The following SHANK2 variants were observed in gnomAD, a reference collection of about 807,000 sequenced individuals.
The protein encoded by SHANK2 is SH3 and multiple ankyrin repeat domains 2.
Under a neutral mutation model 133.7 loss-of-function variants are expected in SHANK2, and 43 were observed. That is an observed-to-expected ratio of 0.32 (90% CI 0.25 to 0.41). The LOEUF is 0.41. Among genes scored for constraint, SHANK2 ranks in the 10% least tolerant of loss-of-function variants. The probability of loss-of-function intolerance (pLI) is 1.00; values close to 1 mark genes in which losing one functional copy is unlikely to be tolerated. For missense variants in SHANK2, 1,994 were observed against 2,235.8 expected, an observed-to-expected ratio of 0.89 and a Z score of 2.18; for synonymous variants, 1,017 against 952.8, an observed-to-expected ratio of 1.07 and a Z score of -1.24.
At chr11:70,909,549 C>T (rs1205663599) in intron 10 of SHANK2, among the ~76,000 whole-genome samples, 2 of 152,136 alleles carry the variant, frequency 1.3e-5, no homozygotes, top group African/African-American at 2.4e-5. Flanking sequence ...GTAGAGCTGT[C>T]GTGATCCTTG....
At chr11:71,237,011 C>T (rs1954833463) in intron 1 of SHANK2, among the ~76,000 whole-genome samples, 1 of 152,236 alleles carries the variant, frequency 6.6e-6, no homozygotes, top group African/African-American at 2.4e-5. Flanking sequence ...TGGCTCCAAT[C>T]AGTCATACCT....
chr11:70,519,505 G>A (rs573949041), intron 17 of SHANK2, among the ~76,000 whole-genome samples: 4 of 152,186 alleles, frequency 2.6e-5, no homozygotes, highest in Non-Finnish European at 5.9e-5. Context: ...AAATTAGCTC[G>A]ACGTGGTAGT....
intron 17 of SHANK2, among the ~76,000 whole-genome samples, chr11:70,533,075 C>A (rs1323941048): frequency 6.6e-6 from 1 of 152,064 alleles, no homozygotes; most frequent in Non-Finnish European, 1.5e-5. Context: ...GCAGACGTTG[C>A]CGGAGGCTGG....
intron 14 of SHANK2, among the ~76,000 whole-genome samples, chr11:70,711,902 C>T (rs993138089): frequency 2.6e-5 from 4 of 152,334 alleles, no homozygotes; most frequent in South Asian, 2.1e-4. Flanking sequence ...CCCAGGCACA[C>T]GTCACAGCAC....
intron 17 of SHANK2, among the ~76,000 whole-genome samples, chr11:70,620,970 C>A (rs2060821715): frequency 6.6e-6 from 1 of 152,214 alleles, no homozygotes; most frequent in Non-Finnish European, 1.5e-5. Context: ...CTGAATAAGA[C>A]ATGTGGGGTC....
At chr11:70,628,646 T>A (rs2060936924) in intron 17 of SHANK2, among the ~76,000 whole-genome samples, 1 of 152,178 alleles carries the variant, frequency 6.6e-6, no homozygotes, top group Admixed American at 6.5e-5. Context: ...ACACCCAGCA[T>A]CATGATGCTG....
At chr11:70,710,871 C>T (rs527992337) in intron 14 of SHANK2, among the ~76,000 whole-genome samples, 120 of 152,316 alleles carry the variant, frequency 7.9e-4, no homozygotes, top group African/African-American at 2.8e-3. Context: ...TGAGCAGACA[C>T]GCCTGTGGTC....
intron 14 of SHANK2, among the ~76,000 whole-genome samples, chr11:70,708,002 G>C (rs1945702163): frequency 6.6e-6 from 1 of 152,192 alleles, no homozygotes; most frequent in Non-Finnish European, 1.5e-5. Flanking sequence ...GTGCACCGAG[G>C]ACATCACAGC....
At chr11:70,908,447 T>G (rs1590820860) in intron 10 of SHANK2, among the ~76,000 whole-genome samples, 1 of 152,212 alleles carries the variant, frequency 6.6e-6, no homozygotes, top group African/African-American at 2.4e-5. Flanking sequence ...GGAAACAGAC[T>G]CCGCCTGTGC....
chr11:71,077,994 G>A (rs962317766), intron 8 of SHANK2, among the ~76,000 whole-genome samples: 5,962 of 152,068 alleles, frequency 0.039, 414 homozygotes, highest in African/African-American at 0.14. Context: ...TACTGAGAGG[G>A]TGCAGGACCA....
chr11:71,119,438 G>A (rs1231391922), intron 3 of SHANK2, among the ~76,000 whole-genome samples: 2 of 152,064 alleles, frequency 1.3e-5, no homozygotes, highest in Middle Eastern at 3.2e-3. Context: ...AAATTTGCTG[G>A]GCATGGTGGT....
At chr11:70,489,466 C>G in intron 23 of SHANK2, 118 bp from the exon 24 acceptor site, 2 of 936,462 alleles carry the variant, frequency 2.1e-6, no homozygotes, top group South Asian at 2.6e-5. Context: ...TCCACGGCCA[C>G]TTACTGCCTA....
intron 17 of SHANK2, among the ~76,000 whole-genome samples, chr11:70,507,839 T>C (rs1288530122): frequency 6.6e-6 from 1 of 152,202 alleles, no homozygotes; most frequent in East Asian, 1.9e-4. Context: ...CGTTTGTAAT[T>C]AGACCCTAAA....
intron 14 of SHANK2, among the ~76,000 whole-genome samples, chr11:70,770,535 T>C (rs1005287357): frequency 6.6e-6 from 1 of 152,232 alleles, no homozygotes; most frequent in Non-Finnish European, 1.5e-5. Context: ...CACCATGTGA[T>C]GGCTGGGAAG....
At chr11:70,889,889 C>T (rs186948633) in intron 11 of SHANK2, among the ~76,000 whole-genome samples, 123 of 152,240 alleles carry the variant, frequency 8.1e-4, no homozygotes, top group Admixed American at 6.8e-3. Flanking sequence ...AGGAGGCAGA[C>T]GCAGCTGGAA....
In SHANK2 at chr11:70,473,455, A is replaced by G; in HGVS notation, c.4980-16T>C. The stretch of plus-strand genomic sequence containing the variant: ...CTCCGGGCTTCTGAAACAGCAACAC[A>G]GAGAAAACCATCACAAGGCAGGTCA... On this transcript the variant is annotated splice_polypyrimidine_tract_variant and intron_variant, in intron 25 of 25. Coordinates refer to ENST00000601538, the MANE Select transcript of SHANK2 (RefSeq NM_012309.5). This position sits in a 1 kb window ranked among gnomAD's most constrained non-coding sequence, Gnocchi z 5.9. The G allele has an allele frequency of 1.2e-6, 2 of 1,600,430 alleles. No homozygotes were observed. Among genetic ancestry groups the G allele is most frequent in the Non-Finnish European group, 8.5e-7 (1 of 1,179,674 alleles).
intron 11 of SHANK2, among the ~76,000 whole-genome samples, chr11:70,876,344 G>A (rs1555071306): frequency 1.3e-5 from 2 of 150,502 alleles, no homozygotes; most frequent in African/African-American, 4.9e-5. Context: ...GGCAGATCAC[G>A]AGGTCAGGAG....
intron 11 of SHANK2, among the ~76,000 whole-genome samples, chr11:70,893,770 A>G (rs1949889886): frequency 6.6e-6 from 1 of 152,150 alleles, no homozygotes; most frequent in South Asian, 2.1e-4. Flanking sequence ...GGAACAACAG[A>G]CACTGACTCC....
intron 14 of SHANK2, among the ~76,000 whole-genome samples, chr11:70,797,832 T>TACACACACACACAC (rs368707688): frequency 6.2e-4 from 88 of 142,040 alleles, no homozygotes; most frequent in Non-Finnish European, 9.0e-4. Flanking sequence ...TCCACTCTCA[T>TACACACACACACAC]ACACACACAC....
Sources: allele counts gnomAD v4.1 joint callset (sites outside exome capture counted in the v4.1 genomes callset), GRCh38; gene constraint gnomAD v4.1.1; non-coding constraint Gnocchi (gnomAD v3.1); transcripts MANE v1.5; gene names NCBI Gene and HGNC (gene_info 2026-07-23, HGNC 2026-07-21).